Variants in TMEM114 observed in about 807,000 individuals in gnomAD.
The protein encoded by TMEM114 is transmembrane protein 114.
A neutral mutation model predicts 6.2 loss-of-function variants in TMEM114; 6 were observed. The observed-to-expected ratio is 0.97, with a 90% confidence interval of 0.53 to 1.91. The LOEUF (loss-of-function observed/expected upper bound fraction) is 1.91. Among genes scored for constraint, TMEM114 ranks in the 40% most tolerant of loss-of-function variants. The probability of loss-of-function intolerance (pLI) is 0.01; values close to 1 mark genes in which losing one functional copy is unlikely to be tolerated. For missense variants in TMEM114, 218 were observed against 158.3 expected (o/e 1.38, Z -2.02); for synonymous variants, 104 against 73.0 (o/e 1.42, Z -2.16).
intron 2 of TMEM114, among the ~76,000 whole-genome samples, chr16:8,552,855 T>G (rs1056395609): frequency 6.6e-6 from 1 of 152,190 alleles, no homozygotes; most frequent in African/African-American, 2.4e-5. Flanking sequence ...CCCTTGATCC[T>G]TGGGCTTAAC....
At chr16:8,553,103 A>G (rs1274755183) in intron 2 of TMEM114, among the ~76,000 whole-genome samples, 1 of 152,164 alleles carries the variant, frequency 6.6e-6, no homozygotes, top group Non-Finnish European at 1.5e-5. Context: ...TTGCTTGGCG[A>G]AGAGGCCAGG....
chr16:8,576,514 G>A (rs1901934787), intron 2 of TMEM114, among the ~76,000 whole-genome samples: 1 of 152,242 alleles, frequency 6.6e-6, no homozygotes, highest in South Asian at 2.1e-4. Context: ...CCCAGGCACT[G>A]GCAAGCGGGA....
intron 3 of TMEM114, among the ~76,000 whole-genome samples, chr16:8,570,489 G>C (rs1422059862): frequency 1.3e-5 from 2 of 152,004 alleles, no homozygotes; most frequent in Non-Finnish European, 2.9e-5. Flanking sequence ...CCGCCACCGC[G>C]CCCGGCTAAT....
At chr16:8,546,468 C>A (rs964279369) in intron 2 of TMEM114, among the ~76,000 whole-genome samples, 1 of 152,118 alleles carries the variant, frequency 6.6e-6, no homozygotes, top group African/African-American at 2.4e-5. Context: ...AGCGACCAGC[C>A]CGGACATTAT....
chr16:8,580,556 G>A (rs1390937514), intron 2 of TMEM114, among the ~76,000 whole-genome samples: 2 of 151,512 alleles, frequency 1.3e-5, no homozygotes, highest in South Asian at 2.1e-4. Flanking sequence ...CAAGCCCTGT[G>A]TCTTCCTCTC....
At chr16:8,552,686 A>T (rs1280415236) in intron 2 of TMEM114, among the ~76,000 whole-genome samples, 1 of 151,368 alleles carries the variant, frequency 6.6e-6, no homozygotes, top group African/African-American at 2.4e-5. Context: ...GCGAGCCTAT[A>T]ATTATTTCAA....
At chr16:8,534,398 C>G (rs148656753), downstream of TMEM114, among the ~76,000 whole-genome samples, 2,191 of 151,156 alleles carry the variant, frequency 0.014, 72 homozygotes, top group Non-Finnish European at 0.014. Flanking sequence ...TATCACTTAT[C>G]ATACTCCTAC....
chr16:8,550,840 C>A (rs745937461), intron 2 of TMEM114, among the ~76,000 whole-genome samples: 19 of 152,290 alleles, frequency 1.2e-4, no homozygotes, highest in Admixed American at 5.9e-4. Flanking sequence ...CCTTCTTCAC[C>A]CTGTGGTCCT....
chr16:8,543,858 G>C (rs1005123051), intron 2 of TMEM114, among the ~76,000 whole-genome samples: 2 of 152,176 alleles, frequency 1.3e-5, no homozygotes, highest in Non-Finnish European at 1.5e-5. Context: ...ATAGCTACTA[G>C]AGTAACCTAA....
chr16:8,547,375 T>A (rs1164392817), intron 2 of TMEM114, among the ~76,000 whole-genome samples: 18 of 64,850 alleles, frequency 2.8e-4, no homozygotes, highest in African/African-American at 1.3e-3. Context: ...AGACGCGCTT[T>A]CTTTCTTTCT....
At chr16:8,565,989 A>C (rs1901529661), downstream of TMEM114, among the ~76,000 whole-genome samples, 1 of 152,268 alleles carries the variant, frequency 6.6e-6, no homozygotes, top group Non-Finnish European at 1.5e-5. Flanking sequence ...AGGACAAGAC[A>C]GAATGGAACA....
At chr16:8,562,526 T>TAATGAGTGAGTGAGTG (rs1555463497) in intron 2 of TMEM114, among the ~76,000 whole-genome samples, 1,323 of 127,226 alleles carry the variant, frequency 0.01, 57 homozygotes, top group African/African-American at 0.037. Context: ...ATGAGTGAGT[T>TAATGAGTGAGTGAGTG]AATGAGTGAG....
chr16:8,559,242 C>T (rs957853257), intron 2 of TMEM114, among the ~76,000 whole-genome samples: 3 of 151,998 alleles, frequency 2.0e-5, no homozygotes, highest in Admixed American at 6.6e-5. Flanking sequence ...GGGGTTTCAC[C>T]GTGTTGGCCA....
downstream of TMEM114, among the ~76,000 whole-genome samples, chr16:8,534,956 T>A (rs557664487): frequency 1.5e-4 from 23 of 152,350 alleles, no homozygotes; most frequent in African/African-American, 5.3e-4. Context: ...GAACAGCTAC[T>A]CCTGTCATCA....
downstream of TMEM114, among the ~76,000 whole-genome samples, chr16:8,536,396 A>G (rs1900361047): frequency 6.6e-6 from 1 of 152,130 alleles, no homozygotes; most frequent in Admixed American, 6.6e-5. Flanking sequence ...TTCTTCGGGA[A>G]CTTTGAGGGA....
the TMEM114 span, among the ~76,000 whole-genome samples, chr16:8,529,209 A>G: frequency 3.9e-5 from 6 of 152,128 alleles, no homozygotes; most frequent in Non-Finnish European, 7.4e-5. Context: ...GATGAAGGTT[A>G]TTTCTCTCTT....
intron 2 of TMEM114, among the ~76,000 whole-genome samples, chr16:8,564,207 G>T (rs1159111927): frequency 1.4e-5 from 2 of 138,400 alleles, no homozygotes; most frequent in Non-Finnish European, 3.2e-5. Flanking sequence ...GTGAGTGGGT[G>T]AATGAGTGAG....
Position 8,589,208 on chromosome 16 carries a change from C to A in TMEM114, c.301+5G>T. 1 of 398,930 alleles carries A rather than the reference C, an allele frequency of 2.5e-6. No homozygotes were observed. The highest frequency in any genetic ancestry group is 4.4e-6 in the Non-Finnish European group (1 of 226,290). The allele number at this position is 398,930 out of a possible 1,614,324, so 24.7% of individuals were successfully genotyped here. On this transcript the variant is annotated splice_donor_5th_base_variant and intron_variant, in intron 2 of 3. Coordinates refer to ENST00000620492, the MANE Select transcript of TMEM114 (RefSeq NM_001146336.2). The stretch of plus-strand genomic sequence containing the variant: ...TCCCTCCATCCTCACCCTCCCCGGA[C>A]TCACTGAGAAGTTGCCGGCTCGATT...
At chr16:8,585,909 T>G (rs1374125035) in intron 2 of TMEM114, among the ~76,000 whole-genome samples, 5 of 152,226 alleles carry the variant, frequency 3.3e-5, no homozygotes, top group Non-Finnish European at 7.3e-5. Flanking sequence ...CATGGCCACA[T>G]GCCTACTTGG....
Sources: allele counts gnomAD v4.1 joint callset (sites outside exome capture counted in the v4.1 genomes callset), GRCh38; gene constraint gnomAD v4.1.1; transcripts MANE v1.5; gene names NCBI Gene and HGNC (gene_info 2026-07-23, HGNC 2026-07-21).